KIAA1217: variants seen among roughly 807,000 people sequenced by gnomAD.
KIAA1217 encodes the protein KIAA1217.
In KIAA1217, 88 loss-of-function variants were observed where a neutral mutation model predicts 163.9. That is an observed-to-expected ratio of 0.54 (90% CI 0.45 to 0.64). The LOEUF (loss-of-function observed/expected upper bound fraction) is 0.64. Ranked by LOEUF, KIAA1217 falls within the 30% of genes least tolerant of loss-of-function variation. The pLI, the probability that KIAA1217 is intolerant of heterozygous loss-of-function variation, is 0.00. For missense variants in KIAA1217, 2,372 were observed against 2,475.0 expected (o/e 0.96, Z 0.88); for synonymous variants, 903 against 923.1 (o/e 0.98, Z 0.39).
At chr10:24,433,771 A>G (rs1398244063) in intron 4 of KIAA1217, among the ~76,000 whole-genome samples, 1 of 148,738 alleles carries the variant, frequency 6.7e-6, no homozygotes, top group Non-Finnish European at 1.5e-5. Context: ...CGTTATTTAC[A>G]CATAACAAGT....
intron 1 of KIAA1217, among the ~76,000 whole-genome samples, chr10:23,789,746 G>C (rs1172443502): frequency 6.6e-6 from 1 of 151,666 alleles, no homozygotes; most frequent in Non-Finnish European, 1.5e-5. Flanking sequence ...GGCCAACTTT[G>C]GTTATAAGTA....
chr10:23,923,017 G>A (rs1460259822), intron 1 of KIAA1217, among the ~76,000 whole-genome samples: 2 of 152,074 alleles, frequency 1.3e-5, no homozygotes, highest in Admixed American at 6.6e-5. Flanking sequence ...TTAGTGGTGA[G>A]TTCTGAGATT....
intron 1 of KIAA1217, among the ~76,000 whole-genome samples, chr10:23,943,744 G>T (rs1843883463): frequency 6.6e-6 from 1 of 152,174 alleles, no homozygotes; most frequent in Non-Finnish European, 1.5e-5. Context: ...AAAATAATCA[G>T]GACAGTATGG....
intron 1 of KIAA1217, among the ~76,000 whole-genome samples, chr10:23,835,694 T>A (rs1838410371): frequency 1.3e-5 from 2 of 152,342 alleles, no homozygotes; most frequent in South Asian, 4.1e-4. Flanking sequence ...TCAGTAAGTG[T>A]TCCTTTTATC....
chr10:24,367,840 G>T (rs2051002137), intron 2 of KIAA1217, among the ~76,000 whole-genome samples: 1 of 152,340 alleles, frequency 6.6e-6, no homozygotes, highest in South Asian at 2.1e-4. Context: ...TACAAATGAG[G>T]TGATTGAGGC....
chr10:24,259,366 G>A (rs1009400221), intron 2 of KIAA1217, among the ~76,000 whole-genome samples: 2 of 152,154 alleles, frequency 1.3e-5, no homozygotes, highest in Non-Finnish European at 2.9e-5. Flanking sequence ...TAACTTCAGT[G>A]CTTTGGGAGG....
intron 1 of KIAA1217, among the ~76,000 whole-genome samples, chr10:23,780,679 C>A (rs1000113622): frequency 6.6e-6 from 1 of 152,000 alleles, no homozygotes; most frequent in Non-Finnish European, 1.5e-5. Flanking sequence ...ACCAGATTTT[C>A]TTTTTTGGGA....
rs1041714432 is a variant in KIAA1217 at position 24,543,013 on chromosome 10, A to G, written c.3743A>G (p.Asn1248Ser). 4 of 1,614,020 alleles carry G rather than the reference A, an allele frequency of 2.5e-6. No homozygotes were observed. The highest frequency in any genetic ancestry group is 3.4e-6 in the Non-Finnish European group (4 of 1,179,918). ...ATAATGAAGGAAAATTCCATATCCA[A>G]TATGAGTTTACTCAGAGACAGTAGA... ...EIIMKENSIS[N>S]MSLLRDSRNY... The change falls in exon 19 of 21, where the codon AAT (asparagine) becomes AGT (serine). Residue 1248 changes from asparagine (N) to serine (S), a missense_variant. Asn to Ser is a conservative substitution (Grantham distance 46, BLOSUM62 1). This residue lies in a region of KIAA1217 where 251 missense variants were observed against 327.3 expected (regional missense o/e 0.77). Coordinates refer to ENST00000376454, the MANE Select transcript of KIAA1217 (RefSeq NM_019590.5).
At chr10:24,142,944 A>G (rs1298508738) in intron 2 of KIAA1217, among the ~76,000 whole-genome samples, 3 of 152,192 alleles carry the variant, frequency 2.0e-5, no homozygotes, top group African/African-American at 7.2e-5. Context: ...CAGGAGGGGG[A>G]AAAACATTAA....
chr10:24,149,221 C>T (rs566581941), intron 2 of KIAA1217, among the ~76,000 whole-genome samples: 72 of 152,176 alleles, frequency 4.7e-4, no homozygotes, highest in African/African-American at 1.7e-3. Context: ...ACTCTGTCAC[C>T]CAGGCTGGAA....
intron 2 of KIAA1217, among the ~76,000 whole-genome samples, chr10:24,185,501 G>A (rs989643077): frequency 6.6e-6 from 1 of 152,150 alleles, no homozygotes; most frequent in African/African-American, 2.4e-5. Context: ...CAGCTTTAAA[G>A]AATCAACTCT....
intron 2 of KIAA1217, among the ~76,000 whole-genome samples, chr10:24,324,618 A>G (rs917228454): frequency 2.6e-5 from 4 of 152,002 alleles, no homozygotes; most frequent in African/African-American, 7.2e-5. Context: ...CAACAAAGAA[A>G]CTATGGATAA....
chr10:24,031,695 G>C (rs185611883), intron 2 of KIAA1217, among the ~76,000 whole-genome samples: 1 of 151,832 alleles, frequency 6.6e-6, no homozygotes, highest in Admixed American at 6.5e-5. Context: ...CACTGTTTGT[G>C]TGTGTGTGTG....
At chr10:24,187,394 A>C (rs2066488868) in intron 2 of KIAA1217, among the ~76,000 whole-genome samples, 1 of 152,196 alleles carries the variant, frequency 6.6e-6, no homozygotes, top group African/African-American at 2.4e-5. Context: ...TCCGGCTTCC[A>C]AAAAATGTCA....
At chr10:23,860,911 AT>A (rs1839922271) in intron 1 of KIAA1217, among the ~76,000 whole-genome samples, 1 of 127,032 alleles carries the variant, frequency 7.9e-6, no homozygotes. Context: ...TCTTTCTTTT[AT>A]TTTTTTCTTT....
intron 2 of KIAA1217, among the ~76,000 whole-genome samples, chr10:24,318,670 G>A (rs1020401295): frequency 9.2e-5 from 14 of 152,180 alleles, no homozygotes; most frequent in South Asian, 4.2e-4. Context: ...GTTGGGCACC[G>A]CACAACTCCC....
intron 2 of KIAA1217, chr10:24,239,181 C>A (rs2072701679): frequency 1.0e-6 from 1 of 985,306 alleles, no homozygotes; most frequent in African/African-American, 1.7e-5. Flanking sequence ...GAGAGTTTCA[C>A]TGGGAAAAAC....
At chr10:24,033,942 A>G (rs1219535429) in intron 2 of KIAA1217, among the ~76,000 whole-genome samples, 1 of 152,240 alleles carries the variant, frequency 6.6e-6, no homozygotes, top group Admixed American at 6.5e-5. Context: ...TCCTTACAGA[A>G]AAAGTTTGCT....
intron 2 of KIAA1217, among the ~76,000 whole-genome samples, chr10:24,329,750 G>A (rs1345144189): frequency 1.3e-5 from 2 of 152,148 alleles, no homozygotes; most frequent in South Asian, 4.1e-4. Flanking sequence ...CACTCAATAA[G>A]GAGTAGTTAT....
Sources: allele counts gnomAD v4.1 joint callset (sites outside exome capture counted in the v4.1 genomes callset), GRCh38; gene constraint gnomAD v4.1.1; regional missense constraint gnomAD v4.1.1; transcripts MANE v1.5; gene names NCBI Gene and HGNC (gene_info 2026-07-23, HGNC 2026-07-21).